PTPRK: variants seen among roughly 807,000 people sequenced by gnomAD.
PTPRK encodes protein tyrosine phosphatase receptor type K, also known as receptor-type tyrosine-protein phosphatase kappa.
A neutral mutation model predicts 178.0 loss-of-function variants in PTPRK; 75 were observed. That is an observed-to-expected ratio of 0.42 (90% confidence interval 0.35 to 0.51). The LOEUF (loss-of-function observed/expected upper bound fraction) is 0.51, where lower values mean the gene tolerates loss of function less well. Ranked by LOEUF, PTPRK falls within the 20% of genes least tolerant of loss-of-function variation. PTPRK has a pLI of 0.02. For missense variants in PTPRK, 1,441 were observed against 1,797.8 expected (o/e 0.80, Z 3.59); for synonymous variants, 637 against 620.6 (o/e 1.03, Z -0.39).
chr6:128,142,067 T>C (rs1795847221), intron 7 of PTPRK, among the ~76,000 whole-genome samples: 3 of 151,976 alleles, frequency 2.0e-5, no homozygotes, highest in Non-Finnish European at 4.4e-5. Context: ...TTTAGTTATA[T>C]ATTCACTATG....
At chr6:128,435,556 C>G (rs986666339) in intron 1 of PTPRK, among the ~76,000 whole-genome samples, 1 of 152,072 alleles carries the variant, frequency 6.6e-6, no homozygotes, top group African/African-American at 2.4e-5. Context: ...AAGAGTCGCA[C>G]AGAACAATGT....
At chr6:128,139,842 C>A (rs1341642285) in intron 7 of PTPRK, among the ~76,000 whole-genome samples, 1 of 151,984 alleles carries the variant, frequency 6.6e-6, no homozygotes, top group Non-Finnish European at 1.5e-5. Flanking sequence ...GGTTTCAATT[C>A]TATACTTAAC....
chr6:127,975,420 C>T (rs925120033), intron 27 of PTPRK, among the ~76,000 whole-genome samples: 5 of 152,166 alleles, frequency 3.3e-5, no homozygotes, highest in East Asian at 3.9e-4. Flanking sequence ...CAATAGGAGT[C>T]GATATGATTC....
chr6:128,365,767 C>T (rs1176193754), intron 2 of PTPRK, among the ~76,000 whole-genome samples: 4 of 152,102 alleles, frequency 2.6e-5, no homozygotes, highest in African/African-American at 9.7e-5. Context: ...AGCCAATGAT[C>T]TTATGCAATG....
chr6:128,270,115 G>A (rs1231970885), intron 3 of PTPRK, among the ~76,000 whole-genome samples: 1 of 152,080 alleles, frequency 6.6e-6, no homozygotes. Flanking sequence ...CAAGATAGCT[G>A]TAAAGGGGAT....
chr6:128,013,441 C>G (rs553900548), intron 13 of PTPRK, among the ~76,000 whole-genome samples: 1 of 151,466 alleles, frequency 6.6e-6, no homozygotes, highest in Non-Finnish European at 1.5e-5. Context: ...TATGTCTTCA[C>G]GTCAATGTAT....
At chr6:128,355,550 C>T (rs1833837669) in intron 2 of PTPRK, among the ~76,000 whole-genome samples, 1 of 151,964 alleles carries the variant, frequency 6.6e-6, no homozygotes, top group Non-Finnish European at 1.5e-5. Context: ...GTGCATGTAT[C>T]ATAGACATTG....
intron 17 of PTPRK, 146 bp downstream of exon 17, chr6:127,996,755 G>A: frequency 2.9e-6 from 3 of 1,051,366 alleles, no homozygotes; most frequent in Admixed American, 3.1e-5. Flanking sequence ...ACAGGCATGA[G>A]CCCTCAAGCC....
At chr6:128,461,527 G>A (rs558765984) in intron 1 of PTPRK, among the ~76,000 whole-genome samples, 89 of 151,850 alleles carry the variant, frequency 5.9e-4, no homozygotes, top group African/African-American at 2.0e-3. Context: ...CACAATTGAC[G>A]TTAACAAAAA....
chr6:128,090,964 T>C (rs1218459025), intron 7 of PTPRK, among the ~76,000 whole-genome samples: 3 of 152,126 alleles, frequency 2.0e-5, no homozygotes, highest in Non-Finnish European at 2.9e-5. Context: ...GTAGGGAAAA[T>C]AATACAAAAA....
chr6:128,171,674 T>C (rs187541935), intron 7 of PTPRK, among the ~76,000 whole-genome samples: 102 of 152,138 alleles, frequency 6.7e-4, no homozygotes, highest in Non-Finnish European at 1.3e-3. Context: ...GAAGTAGACA[T>C]TGATTTCTCT....
intron 6 of PTPRK, among the ~76,000 whole-genome samples, chr6:128,199,884 C>T (rs1294153691): frequency 1.3e-5 from 2 of 152,170 alleles, no homozygotes; most frequent in South Asian, 4.1e-4. Context: ...TCAAAAGAAA[C>T]ATGAAGAATA....
At chr6:128,392,015 T>TA (rs1475810896) in intron 2 of PTPRK, among the ~76,000 whole-genome samples, 1 of 151,884 alleles carries the variant, frequency 6.6e-6, no homozygotes. Context: ...CCCCACTGAA[T>TA]AAAAAAACAC....
intron 7 of PTPRK, among the ~76,000 whole-genome samples, chr6:128,123,208 G>A (rs937224490): frequency 6.6e-6 from 1 of 152,144 alleles, no homozygotes; most frequent in African/African-American, 2.4e-5. Context: ...AAAGCCAGGA[G>A]TCACCAGAGG....
intron 1 of PTPRK, among the ~76,000 whole-genome samples, chr6:128,407,706 A>C (rs1195085476): frequency 1.3e-5 from 2 of 151,950 alleles, no homozygotes; most frequent in African/African-American, 4.8e-5. Context: ...AGTATTATAA[A>C]ACTCATTTAT....
chr6:128,144,386 A>G (rs1796188971), intron 7 of PTPRK, among the ~76,000 whole-genome samples: 1 of 152,218 alleles, frequency 6.6e-6, no homozygotes, highest in Non-Finnish European at 1.5e-5. Context: ...CAACATGGTG[A>G]GCACACTTCG....
chr6:128,421,059 ACAAT>A lies in PTPRK; in HGVS notation c.101-23375_101-23372del, dbSNP rs374138363. Among the ~76,000 whole-genome samples the A allele has an allele frequency of 5.5e-3, 839 of 152,346 alleles. 15 individuals are homozygous for A. Among genetic ancestry groups the A allele is most frequent in the African/African-American group, 0.019 (794 of 41,578 alleles). Reference sequence around the variant, plus strand: ...TAGCTTCTAGTTGCTTATAAAAAACACAATCATTCTTTTCCATATTGTTGTTTAA... The same window carrying A: ...TAGCTTCTAGTTGCTTATAAAAAACACATTCTTTTCCATATTGTTGTTTAA... On this transcript the variant is annotated intron_variant, in intron 1 of 29. Transcript: ENST00000368226.
chr6:128,100,593 T>G (rs984952113), intron 7 of PTPRK, among the ~76,000 whole-genome samples: 3 of 152,032 alleles, frequency 2.0e-5, no homozygotes, highest in African/African-American at 7.2e-5. Flanking sequence ...TGTAATTTTT[T>G]GAACATTAGT....
intron 6 of PTPRK, among the ~76,000 whole-genome samples, chr6:128,195,114 A>G (rs1157906746): frequency 6.6e-6 from 1 of 150,840 alleles, no homozygotes; most frequent in African/African-American, 2.5e-5. Flanking sequence ...TTCCACATCT[A>G]GAATATAAAT....
Sources: allele counts gnomAD v4.1 joint callset (sites outside exome capture counted in the v4.1 genomes callset), GRCh38; gene constraint gnomAD v4.1.1; transcripts MANE v1.5; gene names NCBI Gene and HGNC (gene_info 2026-07-23, HGNC 2026-07-21).